Variants in ARHGAP29 observed in about 807,000 individuals in gnomAD.
ARHGAP29 encodes the protein rho GTPase-activating protein 29.
ARHGAP29 carries 43 observed loss-of-function variants against 122.6 expected under a neutral mutation model. The ratio of observed to expected loss-of-function variants is 0.35; its 90% CI spans 0.27 to 0.45. The LOEUF is 0.45. Among genes scored for constraint, ARHGAP29 ranks in the 20% least tolerant of loss-of-function variants. The probability of loss-of-function intolerance (pLI) is 1.00; values close to 1 mark genes in which losing one functional copy is unlikely to be tolerated. For missense variants in ARHGAP29, 1,303 were observed against 1,477.2 expected, an observed-to-expected ratio of 0.88 and a Z score of 1.93; for synonymous variants, 506 against 497.1, an observed-to-expected ratio of 1.02 and a Z score of -0.24.
intron 12 of ARHGAP29, among the ~76,000 whole-genome samples, chr1:94,196,247 CGTGTTTTT>C (rs1466096238): frequency 7.2e-6 from 1 of 139,004 alleles, no homozygotes; most frequent in African/African-American, 2.7e-5. Context: ...TCGATTTTTC[CGTGTTTTT>C]CTTTTTTTTT....
At chr1:94,228,709 C>T (rs2101607255) in intron 2 of ARHGAP29, among the ~76,000 whole-genome samples, 1 of 151,842 alleles carries the variant, frequency 6.6e-6, no homozygotes. Context: ...ATGAAAAGCG[C>T]CATATACAAT....
intron 1 of ARHGAP29, among the ~76,000 whole-genome samples, chr1:94,256,583 A>T (rs929873246): frequency 2.6e-5 from 2 of 75,542 alleles, no homozygotes; most frequent in African/African-American, 1.2e-4. Flanking sequence ...TTTGAGACAG[A>T]GTCTCGCTCT....
chr1:94,230,548 A>G (rs1429241947), intron 2 of ARHGAP29, among the ~76,000 whole-genome samples: 1 of 151,792 alleles, frequency 6.6e-6, no homozygotes, highest in Non-Finnish European at 1.5e-5. Context: ...GGTTTTTCAA[A>G]ATGTCCATCA....
chr1:94,231,690 G>A, intron 1 of ARHGAP29, 47 bp from the exon 2 acceptor site: 2 of 1,413,942 alleles, frequency 1.4e-6, no homozygotes, highest in South Asian at 2.7e-5. Context: ...GAGAGAGAAA[G>A]AAACACAAAA....
the ARHGAP29 span, among the ~76,000 whole-genome samples, chr1:94,293,621 C>G: frequency 3.9e-5 from 6 of 152,206 alleles, no homozygotes; most frequent in East Asian, 1.2e-3. Flanking sequence ...TGGAAGTGAC[C>G]CACCTCTTTT....
chr1:94,217,080 T>C lies in ARHGAP29; in HGVS notation c.340+3178A>G, dbSNP rs557420196. Among the ~76,000 whole-genome samples, 24 of 152,350 alleles carry C rather than the reference T, an allele frequency of 1.6e-4. 1 individual carries two copies. The highest frequency in any genetic ancestry group is 5.2e-4 in the Admixed American group (8 of 15,298). ...GGCACCCTTCATGCATTCAAACCTG[T>C]GGTAATACAAGTAAGATTACACATC... On this transcript the variant is annotated intron_variant, in intron 3 of 22. Transcript: ENST00000260526.
At chr1:94,234,159 C>T (rs2079750000) in intron 1 of ARHGAP29, among the ~76,000 whole-genome samples, 1 of 152,212 alleles carries the variant, frequency 6.6e-6, no homozygotes, top group African/African-American at 2.4e-5. Context: ...TAGATCATGT[C>T]TTCCTAGCTA....
Position 94,274,379 on chromosome 1 carries a change from G to A in ARHGAP29, c.-33+633C>T, listed in dbSNP as rs76998950. On this transcript the variant is annotated intron_variant and NMD_transcript_variant, in intron 1 of 25. Transcript: ENST00000552844. The stretch of plus-strand genomic sequence containing the variant: ...CACTGTGAATGTTTCTCGTTCTTAG[G>A]TGGCACCATGTTTTAAATTGCAAAG... Among the ~76,000 whole-genome samples the A allele has an allele frequency of 3.4e-3, 522 of 152,304 alleles. 1 individual carries two copies. The highest frequency in any genetic ancestry group is 6.0e-3 in the Non-Finnish European group (411 of 68,038).
chr1:94,249,472 C>T lies in ARHGAP29; in HGVS notation c.-32-17829G>A, dbSNP rs985016842. The T allele has an allele frequency of 4.6e-5, 7 of 152,236 alleles. No homozygotes were observed. In the East Asian group the frequency reaches 7.7e-4, roughly 17 times the overall value. The allele number at this position is 152,236 out of a possible 1,614,324, so 9.4% of individuals were successfully genotyped here. A position where few individuals can be genotyped will look rare whatever the true frequency, so the allele number is the denominator to read the frequency against. ...GCTCCAGTGAAAATTAGTCATCCAC[C>T]GGGCGCGGTGGCTCACGCCTGCAAT... On this transcript the variant is annotated intron_variant and NMD_transcript_variant, in intron 1 of 25. Transcript: ENST00000552844.
intron 1 of ARHGAP29, among the ~76,000 whole-genome samples, chr1:94,250,107 T>C (rs1055752338): frequency 1.3e-5 from 2 of 152,104 alleles, no homozygotes; most frequent in African/African-American, 2.4e-5. Flanking sequence ...ATCCCAGATA[T>C]CCTGTTCCCT....
chr1:94,201,423 C>A (rs1373401780), intron 12 of ARHGAP29, among the ~76,000 whole-genome samples: 1 of 152,112 alleles, frequency 6.6e-6, no homozygotes, highest in African/African-American at 2.4e-5. Context: ...TCCCCTTCTG[C>A]AGATAGAGAC....
intron 3 of ARHGAP29, among the ~76,000 whole-genome samples, chr1:94,210,150 A>G (rs865867578): frequency 6.6e-6 from 1 of 152,318 alleles, no homozygotes; most frequent in African/African-American, 2.4e-5. Flanking sequence ...TAATTTTTTT[A>G]AAGTAACTGT....
At chr1:94,176,471 G>A (rs1013434974) in intron 22 of ARHGAP29, 2 of 152,208 alleles carry the variant, frequency 1.3e-5, no homozygotes, top group Admixed American at 6.5e-5. Flanking sequence ...GTCTCTTTCA[G>A]ACGGTTAGTT....
chr1:94,288,653 C>T, the ARHGAP29 span, among the ~76,000 whole-genome samples: 1 of 152,218 alleles, frequency 6.6e-6, no homozygotes, highest in East Asian at 1.9e-4. Flanking sequence ...AGTCTTTAAT[C>T]CATCTTGAGT....
intron 2 of ARHGAP29, among the ~76,000 whole-genome samples, chr1:94,223,998 G>A (rs1389101029): frequency 6.6e-6 from 1 of 151,950 alleles, no homozygotes; most frequent in Non-Finnish European, 1.5e-5. Flanking sequence ...TAGTAGAGAC[G>A]AGGTTTCACT....
At chr1:94,298,932 T>A in the ARHGAP29 span, among the ~76,000 whole-genome samples, 35,180 of 152,022 alleles carry the variant, frequency 0.23, 4,299 homozygotes, top group East Asian at 0.46. Context: ...AGAACACAAG[T>A]GTTTTAAATT....
intron 3 of ARHGAP29, among the ~76,000 whole-genome samples, chr1:94,210,522 T>C (rs1275602285): frequency 6.6e-6 from 1 of 152,238 alleles, no homozygotes; most frequent in Non-Finnish European, 1.5e-5. Flanking sequence ...CAAAATTTTA[T>C]ATGCATAAGC....
chr1:94,264,620 T>G (rs1654691940), intron 1 of ARHGAP29, among the ~76,000 whole-genome samples: 1 of 152,150 alleles, frequency 6.6e-6, no homozygotes, highest in Admixed American at 6.5e-5. Flanking sequence ...ATTTGCTTTC[T>G]CTGCATCATC....
At chr1:94,225,418 C>T (rs4847297) in intron 2 of ARHGAP29, among the ~76,000 whole-genome samples, 148,475 of 152,192 alleles carry the variant, frequency 0.98, 72,552 homozygotes, top group Middle Eastern at 1. Context: ...AGCTACTTTA[C>T]AGTCTTAATA....
Sources: allele counts gnomAD v4.1 joint callset (sites outside exome capture counted in the v4.1 genomes callset), GRCh38; gene constraint gnomAD v4.1.1; transcripts MANE v1.5; gene names NCBI Gene and HGNC (gene_info 2026-07-23, HGNC 2026-07-21).